PDCD11: variants seen among roughly 807,000 people sequenced by gnomAD.
The protein encoded by PDCD11 is protein RRP5 homolog.
Under a neutral mutation model 198.9 loss-of-function variants are expected in PDCD11, and 97 were observed. That is an observed-to-expected ratio of 0.49 (90% confidence interval 0.41 to 0.58). The LOEUF (loss-of-function observed/expected upper bound fraction) is 0.58, where lower values mean the gene tolerates loss of function less well. Ranked by LOEUF, PDCD11 falls within the 20% of genes least tolerant of loss-of-function variation. PDCD11 has a pLI of 0.00. For missense variants in PDCD11, 2,102 were observed against 2,312.7 expected (o/e 0.91, Z 1.87); for synonymous variants, 893 against 918.0 (o/e 0.97, Z 0.49).
At chr10:103,420,379 C>T (rs1458135812) in intron 16 of PDCD11, among the ~76,000 whole-genome samples, 3 of 152,152 alleles carry the variant, frequency 2.0e-5, no homozygotes, top group African/African-American at 7.2e-5. Context: ...TTGCAGACTT[C>T]TGAGGTTTTT....
intron 20 of PDCD11, among the ~76,000 whole-genome samples, chr10:103,426,976 G>T (rs1024162478): frequency 9.2e-5 from 14 of 151,846 alleles, no homozygotes; most frequent in Admixed American, 8.5e-4. Flanking sequence ...GGGCATGGTG[G>T]CATACACCTA....
chr10:103,408,282 C>A (rs2030583538), intron 7 of PDCD11, among the ~76,000 whole-genome samples: 1 of 151,938 alleles, frequency 6.6e-6, no homozygotes, highest in Admixed American at 6.6e-5. Context: ...CTAGGACTTC[C>A]CTTCTGCTGT....
chr10:103,402,613 A>AT lies in PDCD11; in HGVS notation c.235-500dup, dbSNP rs201297325. Reference sequence around the variant, plus strand: ...GCCACCATGCCCGGCTAATTTTTGTATTTTTAGTAGAGACGGGGTTTTGCC... The same window carrying AT: ...GCCACCATGCCCGGCTAATTTTTGTATTTTTTAGTAGAGACGGGGTTTTGCC... On this transcript the variant is annotated intron_variant, in intron 3 of 35. Transcript: ENST00000369797. 2.1e-4 allele frequency among the ~76,000 whole-genome samples: 32 copies of AT among 151,902 alleles called. No homozygotes were observed. The East Asian group carries it at 5.8e-3, about 28-fold the overall frequency.
chr10:103,435,614 G>T (rs1225791116), intron 25 of PDCD11, among the ~76,000 whole-genome samples: 2 of 151,986 alleles, frequency 1.3e-5, no homozygotes, highest in East Asian at 3.9e-4. Context: ...CCAAGTTCAA[G>T]CAATTCTCCT....
At chr10:103,442,112 A>G in intron 31 of PDCD11, 101 bp from the exon 32 acceptor site, 1 of 1,555,160 alleles carries the variant, frequency 6.4e-7, no homozygotes, top group Non-Finnish European at 8.8e-7. Context: ...GGGGGTATAT[A>G]TAGAGCCCTG....
chr10:103,427,476 C>A, intron 21 of PDCD11, 85 bp downstream of exon 21: 1 of 1,136,854 alleles, frequency 8.8e-7, no homozygotes. Flanking sequence ...CTTGATTTTA[C>A]CAGTGTTAGG....
chr10:103,400,341 C>A, intron 2 of PDCD11, 56 bp from the exon 3 acceptor site: 1 of 1,492,236 alleles, frequency 6.7e-7, no homozygotes, highest in African/African-American at 1.4e-5. Flanking sequence ...GGAGGGAAAA[C>A]TCAGATTGCT....
At chr10:103,398,266 T>C (rs532378757) in intron 1 of PDCD11, 150 bp from the exon 2 acceptor site, 195 of 597,198 alleles carry the variant, frequency 3.3e-4, no homozygotes, top group African/African-American at 2.8e-3. Flanking sequence ...TATGGATTAT[T>C]CCGGGCCTGA....
At chr10:103,398,623 A>C (rs2093449408) in intron 2 of PDCD11, 95 bp downstream of exon 2, 2 of 840,518 alleles carry the variant, frequency 2.4e-6, no homozygotes, top group Admixed American at 4.4e-5. Context: ...TTATTTTTCC[A>C]GATTTTTTTT....
rs775549731 is a variant in PDCD11 at position 103,441,832 on chromosome 10, C to T, written c.4564C>T (p.Gln1522Ter). Residue 1522 changes from glutamine to a stop codon, truncating the protein, a stop_gained, in exon 31 of 36, where the codon CAA (glutamine) becomes TAA (stop). Coordinates refer to ENST00000369797, the MANE Select transcript of PDCD11 (RefSeq NM_014976.2). LOFTEE classifies it high-confidence loss of function. ...EETNVLPKEK[Q>*]TKPAEAPRLQ... is the part of the protein sequence containing the mutation. ...CGCCTCTGTGTTCCTCCAGGAGAAG[C>T]AAACCAAGCCAGCAGAAGCGCCCCG... The T allele has an allele frequency of 6.2e-7, 1 of 1,613,960 alleles. No homozygotes were observed. Among genetic ancestry groups the T allele is most frequent in the Non-Finnish European group, 8.5e-7 (1 of 1,179,900 alleles).
At chr10:103,418,828 G>A (rs1022514438) in intron 15 of PDCD11, among the ~76,000 whole-genome samples, 194 bp downstream of exon 15, 2 of 152,184 alleles carry the variant, frequency 1.3e-5, no homozygotes, top group Non-Finnish European at 2.9e-5. Flanking sequence ...GGTGGTCAGG[G>A]CGGAGTAGCC....
rs1391548014 is a variant in PDCD11, at chr10:103,409,807, G to A, written c.978+1G>A. 1 of 1,603,004 alleles carries A rather than the reference G, an allele frequency of 6.2e-7. No homozygotes were observed. The highest frequency in any genetic ancestry group is 8.5e-7 in the Non-Finnish European group (1 of 1,169,858). On this transcript the variant is annotated splice_donor_variant, in intron 8 of 35. Transcript: ENST00000369797. LOFTEE classifies it high-confidence loss of function. ...TGGAACATATTTCTCAAATCAGGCA[G>A]TAAGAAATGTTGAGCCTATATTTTC...
At chr10:103,418,009 G>A in intron 14 of PDCD11, 77 bp downstream of exon 14, 1 of 1,513,742 alleles carries the variant, frequency 6.6e-7, no homozygotes, top group Non-Finnish European at 9.1e-7. Context: ...ATGGCATATT[G>A]GAACCCACGA....
At chr10:103,423,789 C>T (rs1457594402) in intron 19 of PDCD11, 131 bp downstream of exon 19, 4 of 659,970 alleles carry the variant, frequency 6.1e-6, no homozygotes, top group Non-Finnish European at 1.1e-5. Context: ...CCAGGACACC[C>T]CCGGTTTAGA....
At chr10:103,402,894 T>C (rs1164807944) in intron 3 of PDCD11, among the ~76,000 whole-genome samples, 1 of 152,210 alleles carries the variant, frequency 6.6e-6, no homozygotes, top group Non-Finnish European at 1.5e-5. Context: ...CCACTATGCC[T>C]GGCTAATCTT....
intron 27 of PDCD11, among the ~76,000 whole-genome samples, 189 bp from the exon 28 acceptor site, chr10:103,439,557 A>G (rs2032290121): frequency 6.6e-6 from 1 of 152,296 alleles, no homozygotes; most frequent in South Asian, 2.1e-4. Flanking sequence ...ACCCTCAATC[A>G]TATCTTCATT....
At chr10:103,425,552 C>T (rs1396608668) in intron 20 of PDCD11, 27 bp downstream of exon 20, 3 of 1,579,046 alleles carry the variant, frequency 1.9e-6, no homozygotes, top group Admixed American at 3.4e-5. Flanking sequence ...GGTGGGCTGG[C>T]TTCGAGGGAG....
intron 30 of PDCD11, 78 bp from the exon 31 acceptor site, chr10:103,441,748 C>T (rs921013304): frequency 6.1e-5 from 85 of 1,384,636 alleles, no homozygotes; most frequent in African/African-American, 3.9e-4. Flanking sequence ...AGTCCATGCT[C>T]CTCCAGGTGG....
Position 103,432,205 on chromosome 10 carries a change from G to A in PDCD11, c.3445G>A (p.Gly1149Ser), listed in dbSNP as rs773229006. The A allele has an allele frequency of 8.7e-6, 14 of 1,613,390 alleles. No homozygotes were observed. The highest frequency in any genetic ancestry group is 2.2e-5 in the East Asian group (1 of 44,880). The change falls in exon 22 of 36, where the codon GGC becomes AGC. Residue 1149 changes from glycine to serine, a missense_variant. Physicochemically the swap from Gly to Ser is moderately conservative, Grantham distance 56. Coordinates refer to ENST00000369797, the MANE Select transcript of PDCD11 (RefSeq NM_014976.2). ...GGAGAAGATTAAACAGTACCAGGCC[G>A]GCCAGACTGTTACTTGCTTCTTAAA... ...PMEKIKQYQA[G>S]QTVTCFLKKY... is the part of the protein sequence containing the mutation.
Sources: allele counts gnomAD v4.1 joint callset (sites outside exome capture counted in the v4.1 genomes callset), GRCh38; gene constraint gnomAD v4.1.1; transcripts MANE v1.5; gene names NCBI Gene and HGNC (gene_info 2026-07-23, HGNC 2026-07-21).